The following CSMD1 variants were observed in gnomAD, a reference collection of about 807,000 sequenced individuals.
The protein encoded by CSMD1 is CUB and Sushi multiple domains 1.
In CSMD1, 213 loss-of-function variants were observed where a neutral mutation model predicts 417.5. The observed-to-expected ratio is 0.51, with a 90% CI of 0.46 to 0.57. CSMD1 has a LOEUF of 0.57. CSMD1 is among the 20% of genes least tolerant of loss of function. CSMD1 has a pLI of 0.00. For missense variants in CSMD1, 6,923 were observed against 4,529.7 expected (o/e 1.53, Z -15.17); for synonymous variants, 2,862 against 1,736.8 (o/e 1.65, Z -16.11).
intron 40 of CSMD1, among the ~76,000 whole-genome samples, chr8:3,144,797 G>GT (rs201840243): frequency 0.21 from 28,080 of 133,772 alleles, 3,935 homozygotes; most frequent in South Asian, 0.45. Context: ...GGCAACAAGG[G>GT]GGGGGGGGAG....
At position 4,875,649 on chromosome 8, in the gene CSMD1, A is replaced by C. The variant is rs530703025; in HGVS notation, c.85+118683T>G. ...TAGGATATGATTGGAAAAAGAAGAG[A>C]AATTACAACAAATCTGAGAAAAGTA... On this transcript the variant is annotated intron_variant, in intron 1 of 69. Transcript: ENST00000635120. Among the ~76,000 whole-genome samples, 37 of 152,262 alleles carry C rather than the reference A, an allele frequency of 2.4e-4. No homozygotes were observed. The East Asian group carries it at 5.4e-3, about 22-fold the overall frequency.
At chr8:4,222,206 T>C (rs1031345380) in intron 3 of CSMD1, among the ~76,000 whole-genome samples, 2 of 152,216 alleles carry the variant, frequency 1.3e-5, no homozygotes, top group African/African-American at 2.4e-5. Context: ...TACCAGATAA[T>C]TGAATCAAGA....
At chr8:3,844,546 A>G (rs1370185191) in intron 5 of CSMD1, among the ~76,000 whole-genome samples, 1 of 152,202 alleles carries the variant, frequency 6.6e-6, no homozygotes, top group Non-Finnish European at 1.5e-5. Context: ...CACAGAGGGA[A>G]AAATTGGATT....
rs1157372919 is a variant in CSMD1 at position 3,409,738 on chromosome 8, G to A, written c.1562-133C>T. 4.7e-6 allele frequency: 3 copies of A among 642,060 alleles called. No individual in the cohort carries two copies. In the Admixed American group the frequency reaches 9.4e-5, roughly 20 times the overall value. The allele number at this position is 642,060 out of a possible 1,614,324, so 39.8% of individuals were successfully genotyped here. Reference sequence around the variant, plus strand: ...TCATTTTTGTAAAGTGTTTCTAAAGGATATTCAATTGATCTTAAATTTAAT... The same window carrying A: ...TCATTTTTGTAAAGTGTTTCTAAAGAATATTCAATTGATCTTAAATTTAAT... On this transcript the variant is annotated intron_variant, in intron 12 of 69. Coordinates refer to ENST00000635120, the MANE Select transcript of CSMD1 (RefSeq NM_033225.6).
At chr8:4,384,732 G>A (rs529349190) in intron 3 of CSMD1, among the ~76,000 whole-genome samples, 1 of 152,182 alleles carries the variant, frequency 6.6e-6, no homozygotes, top group Non-Finnish European at 1.5e-5. Flanking sequence ...ACTCTATGGA[G>A]CAATGTTGTG....
At chr8:4,712,206 C>A (rs149927372) in intron 1 of CSMD1, among the ~76,000 whole-genome samples, 1 of 152,208 alleles carries the variant, frequency 6.6e-6, no homozygotes, top group Non-Finnish European at 1.5e-5. Context: ...AATCCATTAG[C>A]TCTTGACCTC....
At chr8:3,532,804 T>C (rs917610025) in intron 10 of CSMD1, among the ~76,000 whole-genome samples, 9 of 152,208 alleles carry the variant, frequency 5.9e-5, no homozygotes, top group Non-Finnish European at 1.3e-4. Context: ...ATATAATCTA[T>C]ATCTGATTCA....
At chr8:3,025,552 G>C (rs1809806594) in intron 51 of CSMD1, among the ~76,000 whole-genome samples, 1 of 152,190 alleles carries the variant, frequency 6.6e-6, no homozygotes, top group African/African-American at 2.4e-5. Context: ...AGAACTCCTG[G>C]ACTTCTCTGA....
intron 3 of CSMD1, among the ~76,000 whole-genome samples, chr8:4,287,671 TTATTATTATTATTAC>T (rs1797136933): frequency 6.7e-6 from 1 of 149,504 alleles, no homozygotes; most frequent in Non-Finnish European, 1.5e-5. Flanking sequence ...ATTATTATTA[TTATTATTATTATTAC>T]TACTACTTTG....
intron 3 of CSMD1, among the ~76,000 whole-genome samples, chr8:4,344,835 G>C (rs951642849): frequency 2.6e-5 from 4 of 152,058 alleles, no homozygotes; most frequent in South Asian, 4.1e-4. Context: ...CTTTAAAAAG[G>C]ATCTTTGAGA....
chr8:3,848,472 C>T (rs940351626), intron 5 of CSMD1, among the ~76,000 whole-genome samples: 1 of 150,770 alleles, frequency 6.6e-6, no homozygotes, highest in Non-Finnish European at 1.5e-5. Context: ...GTACTTAATT[C>T]AGTTAATTGA....
rs183178448 is a variant in CSMD1, at chr8:4,960,454, G to A, written c.85+33878C>T. Among the ~76,000 whole-genome samples the A allele has an allele frequency of 3.0e-3, 455 of 152,234 alleles. 1 individual carries two copies. Among genetic ancestry groups the A allele is most frequent in the Middle Eastern group, 0.01 (3 of 294 alleles). On this transcript the variant is annotated intron_variant, in intron 1 of 69. Transcript: ENST00000635120. The stretch of plus-strand genomic sequence containing the variant: ...AAACTACTTTCACCTGGCATGTGCT[G>A]GGGATAAACAAAGTACCAAACTAAG...
At chr8:4,961,173 G>T (rs546921800) in intron 1 of CSMD1, among the ~76,000 whole-genome samples, 2 of 152,160 alleles carry the variant, frequency 1.3e-5, no homozygotes, top group African/African-American at 4.8e-5. Context: ...TCCTGTAATT[G>T]ATACATCTTA....
intron 2 of CSMD1, among the ~76,000 whole-genome samples, chr8:4,469,700 C>A (rs779865041): frequency 6.6e-6 from 1 of 152,062 alleles, no homozygotes; most frequent in Admixed American, 6.5e-5. Context: ...ACAGGCCTAA[C>A]GTCACCACTT....
chr8:4,314,930 G>A lies in CSMD1; in HGVS notation c.415+105023C>T, dbSNP rs552652991. On this transcript the variant is annotated intron_variant, in intron 3 of 69. Coordinates refer to ENST00000635120, the MANE Select transcript of CSMD1 (RefSeq NM_033225.6). Reference sequence around the variant, plus strand: ...CTAAAAACACAGAGATTATACCACAGGAAAAGTGGGGTTGACATTCTACAT... The same window carrying A: ...CTAAAAACACAGAGATTATACCACAAGAAAAGTGGGGTTGACATTCTACAT... 3.7e-4 allele frequency among the ~76,000 whole-genome samples: 56 copies of A among 152,242 alleles called. 1 individual carries two copies. Among genetic ancestry groups the A allele is most frequent in the Non-Finnish European group, 6.2e-4 (42 of 68,012 alleles).
chr8:4,049,931 C>T (rs574996025), intron 3 of CSMD1, among the ~76,000 whole-genome samples: 1 of 152,226 alleles, frequency 6.6e-6, no homozygotes, highest in Admixed American at 6.5e-5. Flanking sequence ...GGATACCACA[C>T]TGCGTTTACG....
intron 4 of CSMD1, among the ~76,000 whole-genome samples, chr8:4,001,214 C>T (rs763515995): frequency 3.3e-5 from 5 of 152,068 alleles, no homozygotes; most frequent in South Asian, 2.1e-4. Context: ...GAAGCTTAAC[C>T]GATTCTTCTG....
At chr8:4,681,837 T>C (rs946526628) in intron 1 of CSMD1, among the ~76,000 whole-genome samples, 2 of 152,168 alleles carry the variant, frequency 1.3e-5, no homozygotes, top group African/African-American at 4.8e-5. Context: ...AACCTCCATT[T>C]TCTCCTCCGT....
At chr8:3,408,541 T>G (rs1812486464) in intron 13 of CSMD1, among the ~76,000 whole-genome samples, 1 of 151,350 alleles carries the variant, frequency 6.6e-6, no homozygotes, top group African/African-American at 2.5e-5. Flanking sequence ...TTTTCTGCCT[T>G]CAGAAGAGCA....
Sources: gnomAD v4.1 joint callset for allele counts (sites outside exome capture counted in the v4.1 genomes callset) on GRCh38, gnomAD v4.1.1 for gene constraint, MANE v1.5 for transcripts, NCBI Gene and HGNC (gene_info 2026-07-23, HGNC 2026-07-21) for gene names.